MARK3: variants seen among roughly 807,000 people sequenced by gnomAD.
The protein encoded by MARK3 is microtubule affinity regulating kinase 3.
MARK3 carries 46 observed loss-of-function variants against 90.1 expected under a neutral mutation model. That is an observed-to-expected ratio of 0.51 (90% CI 0.40 to 0.65). The LOEUF is 0.65. Among genes scored for constraint, MARK3 ranks in the 30% least tolerant of loss-of-function variants. The pLI is 0.00. For synonymous variants in MARK3, 321 were observed against 332.6 expected, an observed-to-expected ratio of 0.97 and a Z score of 0.38; for missense variants, 818 against 947.2, an observed-to-expected ratio of 0.86 and a Z score of 1.79.
intron 6 of MARK3, among the ~76,000 whole-genome samples, chr14:103,461,816 C>A (rs923756629): frequency 6.6e-6 from 1 of 152,098 alleles, no homozygotes; most frequent in Admixed American, 6.6e-5. Flanking sequence ...ACTGGCGGAT[C>A]ACCTGAGGTC....
intron 3 of MARK3, among the ~76,000 whole-genome samples, chr14:103,432,674 G>C (rs902475247): frequency 6.6e-6 from 1 of 151,990 alleles, no homozygotes; most frequent in South Asian, 2.1e-4. Context: ...AGCACAGAGA[G>C]ACCCGTCTCT....
intron 15 of MARK3, among the ~76,000 whole-genome samples, chr14:103,497,195 G>A (rs1233404240): frequency 6.6e-6 from 1 of 152,114 alleles, no homozygotes; most frequent in Non-Finnish European, 1.5e-5. Flanking sequence ...TTGTACTGTC[G>A]ATGACCCTGC....
chr14:103,493,692 T>C (rs538317337), intron 15 of MARK3, among the ~76,000 whole-genome samples: 1 of 151,796 alleles, frequency 6.6e-6, no homozygotes, highest in South Asian at 2.1e-4. Flanking sequence ...CTGACCAATA[T>C]GGTGAAACCC....
rs2093693492 is a variant in MARK3 at position 103,475,173 on chromosome 14, A to T, written c.1445A>T (p.Asp482Val). 2 of 1,613,742 alleles carry T rather than the reference A, an allele frequency of 1.2e-6. No homozygotes were observed. Among genetic ancestry groups the T allele is most frequent in the Non-Finnish European group, 1.7e-6 (2 of 1,180,024 alleles). ...AATGCAAGTAATCCTAATAAGGCGG[A>T]TATTCCTGAACGCAAGAAAAGCTCC... ...LGNASNPNKA[D>V]IPERKKSSTV... The change falls in exon 13 of 18, where the codon GAT (aspartate) becomes GTT (valine). Residue 482 changes from aspartate (D) to valine (V), a missense_variant. Asp to Val is a radical substitution (Grantham distance 152). Transcript: ENST00000429436.
intron 17 of MARK3, among the ~76,000 whole-genome samples, chr14:103,501,559 A>G (rs985034475): frequency 5.3e-5 from 8 of 152,012 alleles, no homozygotes; most frequent in Admixed American, 4.6e-4. Flanking sequence ...ACTCTTCCCT[A>G]TCTTCATTGC....
chr14:103,476,331 A>C (rs1473172400), intron 13 of MARK3, among the ~76,000 whole-genome samples: 1 of 152,190 alleles, frequency 6.6e-6, no homozygotes, highest in Non-Finnish European at 1.5e-5. Context: ...AAAGAGCTCT[A>C]ATGATGAAGA....
rs758891536 is a variant in MARK3 at position 103,502,915 on chromosome 14, CAA to C, written c.1952_1953del (p.Lys651ArgfsTer17). On this transcript the variant is annotated frameshift_variant, in exon 18 of 18. Transcript: ENST00000429436. LOFTEE classifies it high-confidence loss of function. ...NVSAEQKDEN[K>X]EAKPRSLRFT... ...TATCTGCTGAGCAAAAAGATGAAAA[CAA>C]AGAAGCAAAGCCTCGATCCCTACGC... is the stretch of plus-strand genomic sequence containing the variant. 1.2e-6 allele frequency: 2 copies of C among 1,612,818 alleles called. No homozygotes were observed. Among genetic ancestry groups the C allele is most frequent in the Admixed American group, 1.7e-5 (1 of 59,968 alleles).
rs988363775 is a variant in MARK3, at chr14:103,385,607, C to G, written c.-423C>G. The G allele has an allele frequency of 1.2e-5, 2 of 162,106 alleles. No homozygotes were observed. The highest frequency in any genetic ancestry group is 2.4e-5 in the African/African-American group (1 of 41,744). The allele number at this position is 162,106 out of a possible 1,614,324, so 10.0% of individuals were successfully genotyped here. A position where few individuals can be genotyped will look rare whatever the true frequency, so the allele number is the denominator to read the frequency against. On this transcript the variant is annotated 5_prime_UTR_variant, in exon 1 of 18. Transcript: ENST00000429436. ...CGCTCCACTTCCTTCACATCCTCCT[C>G]CGCCTCCTCGTTTTCAGGCGCCGCC... is the stretch of plus-strand genomic sequence containing the variant.
At chr14:103,460,228 G>A (rs1366713228) in intron 6 of MARK3, among the ~76,000 whole-genome samples, 1 of 151,714 alleles carries the variant, frequency 6.6e-6, no homozygotes, top group Non-Finnish European at 1.5e-5. Context: ...TGGGAATACA[G>A]ATGCCTGCCA....
intron 3 of MARK3, among the ~76,000 whole-genome samples, chr14:103,436,489 C>G (rs982967011): frequency 6.6e-6 from 1 of 151,060 alleles, no homozygotes; most frequent in Non-Finnish European, 1.5e-5. Context: ...GTAGTAACCA[C>G]TGTAAAAATA....
At chr14:103,470,565 C>T (rs1334190789) in intron 12 of MARK3, among the ~76,000 whole-genome samples, 2 of 146,180 alleles carry the variant, frequency 1.4e-5, no homozygotes, top group African/African-American at 5.1e-5. Flanking sequence ...TAGCAATTCT[C>T]CTGCCTCAGC....
At chr14:103,394,359 G>A (rs2090449433) in intron 1 of MARK3, among the ~76,000 whole-genome samples, 1 of 152,184 alleles carries the variant, frequency 6.6e-6, no homozygotes, top group African/African-American at 2.4e-5. Context: ...TAAGGAATTT[G>A]TACTCACCCG....
At chr14:103,387,178 A>G (rs1823694477) in intron 1 of MARK3, among the ~76,000 whole-genome samples, 1 of 152,176 alleles carries the variant, frequency 6.6e-6, no homozygotes, top group Admixed American at 6.5e-5. Flanking sequence ...ATGTCCTGAG[A>G]TGTTGTGGCC....
intron 15 of MARK3, among the ~76,000 whole-genome samples, chr14:103,494,387 A>C (rs1239731597): frequency 6.6e-6 from 1 of 151,612 alleles, no homozygotes; most frequent in Admixed American, 6.6e-5. Context: ...CCCAGTCTCT[A>C]CTAAAAATAC....
chr14:103,437,350 C>T (rs774627446), intron 3 of MARK3, among the ~76,000 whole-genome samples: 5 of 151,856 alleles, frequency 3.3e-5, no homozygotes, highest in Admixed American at 1.3e-4. Flanking sequence ...GCCGAGATCA[C>T]GCCACTGCAC....
intron 2 of MARK3, among the ~76,000 whole-genome samples, chr14:103,422,111 A>G (rs1286992679): frequency 6.6e-6 from 1 of 152,174 alleles, no homozygotes; most frequent in Non-Finnish European, 1.5e-5. Context: ...ATCTATTGAC[A>G]TTTTATTTAA....
intron 2 of MARK3, chr14:103,412,879 CTTTTT>C (rs1288874608): frequency 4.1e-6 from 1 of 246,882 alleles, no homozygotes; most frequent in Non-Finnish European, 7.9e-6. Flanking sequence ...TTTTTTCTTT[CTTTTT>C]TTTTTTTGAG....
Position 103,484,956 on chromosome 14 carries a change from G to A in MARK3, c.1586+4466G>A, listed in dbSNP as rs538750937. Among the ~76,000 whole-genome samples the A allele has an allele frequency of 4.7e-5, 7 of 149,670 alleles. No individual in the cohort carries two copies. The South Asian group carries it at 1.5e-3, about 32-fold the overall frequency. On this transcript the variant is annotated intron_variant, in intron 14 of 17. Coordinates refer to ENST00000429436, the MANE Select transcript of MARK3 (RefSeq NM_001128918.3). The stretch of plus-strand genomic sequence containing the variant: ...AAAAGGGCTGAGCACAGTGGCTTAC[G>A]CCTGTAATCCCAGCACTTTGCGAAG...
chr14:103,462,408 G>T lies in MARK3; in HGVS notation c.487G>T (p.Val163Leu). The change falls in exon 7 of 18, where the codon GTG (valine) becomes TTG (leucine). Residue 163 changes from valine to leucine, a missense_variant. This residue lies in a region of MARK3 where 101 missense variants were observed against 175.1 expected (regional missense o/e 0.58). Transcript: ENST00000429436. ...KEARSKFRQIVSAVQYCHQKR... is the reference protein window; with the variant it reads ...KEARSKFRQILSAVQYCHQKR... ...ACTCTGCGTCTCTCCTATTCAGATT[G>T]TGTCTGCAGTTCAATACTGCCATCA... The T allele has an allele frequency of 7.5e-6, 12 of 1,601,220 alleles. No homozygotes were observed. Among genetic ancestry groups the T allele is most frequent in the Non-Finnish European group, 1.0e-5 (12 of 1,169,318 alleles).
Sources: gnomAD v4.1 joint callset for allele counts (sites outside exome capture counted in the v4.1 genomes callset) on GRCh38, gnomAD v4.1.1 for gene constraint, gnomAD v4.1.1 regional missense constraint, MANE v1.5 for transcripts, NCBI Gene and HGNC (gene_info 2026-07-23, HGNC 2026-07-21) for gene names.